Variants in GABRB2 observed in about 807,000 individuals in gnomAD.
GABRB2 encodes the protein gamma-aminobutyric acid receptor subunit beta-2.
GABRB2 carries 16 observed loss-of-function variants against 54.7 expected under a neutral mutation model. The ratio of observed to expected loss-of-function variants is 0.29; its 90% confidence interval spans 0.20 to 0.44. The LOEUF (loss-of-function observed/expected upper bound fraction) is 0.44, where lower values mean the gene tolerates loss of function less well. Ranked by LOEUF, GABRB2 falls within the 20% of genes least tolerant of loss-of-function variation. The pLI is 1.00. For synonymous variants in GABRB2, 244 were observed against 233.8 expected, an observed-to-expected ratio of 1.04 and a Z score of -0.40; for missense variants, 355 against 644.0, an observed-to-expected ratio of 0.55 and a Z score of 4.86.
At chr5:161,441,858 A>C (rs866100874) in intron 4 of GABRB2, among the ~76,000 whole-genome samples, 1 of 152,204 alleles carries the variant, frequency 6.6e-6, no homozygotes, top group Non-Finnish European at 1.5e-5. Context: ...AGAGAAAGAC[A>C]TACATCTCAT....
intron 9 of GABRB2, among the ~76,000 whole-genome samples, chr5:161,316,546 C>A (rs1758034363): frequency 6.6e-6 from 1 of 152,108 alleles, no homozygotes; most frequent in Non-Finnish European, 1.5e-5. Flanking sequence ...CTTCTTTCCC[C>A]TTTTTCTCTT....
At chr5:161,410,687 G>A (rs527326038) in intron 5 of GABRB2, among the ~76,000 whole-genome samples, 1 of 152,254 alleles carries the variant, frequency 6.6e-6, no homozygotes, top group East Asian at 1.9e-4. Flanking sequence ...TATTTTAAAT[G>A]CCTGAAATAG....
intron 9 of GABRB2, among the ~76,000 whole-genome samples, chr5:161,294,868 A>T (rs1387803149): frequency 6.6e-6 from 1 of 152,222 alleles, no homozygotes; most frequent in Non-Finnish European, 1.5e-5. Flanking sequence ...TAGATGAATT[A>T]ATAACAAAAC....
chr5:161,303,433 TC>T (rs1757594648), intron 9 of GABRB2, among the ~76,000 whole-genome samples: 1 of 152,178 alleles, frequency 6.6e-6, no homozygotes, highest in Non-Finnish European at 1.5e-5. Flanking sequence ...ATTAATGAAT[TC>T]ATTCTTTATG....
intron 3 of GABRB2, among the ~76,000 whole-genome samples, chr5:161,500,693 G>A (rs17462847): frequency 0.28 from 42,001 of 151,936 alleles, 6,303 homozygotes; most frequent in Admixed American, 0.4. Context: ...CCATTTCATT[G>A]CAGGGAGATT....
intron 4 of GABRB2, among the ~76,000 whole-genome samples, chr5:161,415,050 A>T (rs953023679): frequency 1.3e-5 from 2 of 152,228 alleles, no homozygotes; most frequent in Non-Finnish European, 2.9e-5. Context: ...TTTCATGAAC[A>T]TGTCTTTCTG....
At chr5:161,457,607 A>C (rs2113257342) in intron 4 of GABRB2, among the ~76,000 whole-genome samples, 1 of 151,900 alleles carries the variant, frequency 6.6e-6, no homozygotes, top group Middle Eastern at 3.4e-3. Context: ...CACTACGCCC[A>C]GCAAATTTTT....
intron 6 of GABRB2, among the ~76,000 whole-genome samples, chr5:161,335,562 A>T (rs1474994452): frequency 6.6e-6 from 1 of 152,188 alleles, no homozygotes; most frequent in Non-Finnish European, 1.5e-5. Context: ...TTACCCTTTA[A>T]TAAAACAAGA....
intron 8 of GABRB2, among the ~76,000 whole-genome samples, chr5:161,328,325 C>T (rs1285100631): frequency 1.3e-5 from 2 of 152,070 alleles, no homozygotes; most frequent in Non-Finnish European, 2.9e-5. Context: ...GTAATAATGC[C>T]TACCACTTAT....
chr5:161,483,533 A>G (rs1206611013), intron 3 of GABRB2, among the ~76,000 whole-genome samples: 2 of 150,888 alleles, frequency 1.3e-5, no homozygotes, highest in African/African-American at 2.4e-5. Flanking sequence ...AAACAGTGTT[A>G]TAAAAAAGAG....
chr5:161,519,341 C>T (rs1760044946), intron 3 of GABRB2, among the ~76,000 whole-genome samples: 1 of 152,128 alleles, frequency 6.6e-6, no homozygotes, highest in Non-Finnish European at 1.5e-5. Context: ...TTATGTTGGG[C>T]CTACATTAAG....
At chr5:161,386,125 C>T (rs750887207) in intron 5 of GABRB2, among the ~76,000 whole-genome samples, 36 of 152,084 alleles carry the variant, frequency 2.4e-4, no homozygotes, top group Non-Finnish European at 3.2e-4. Context: ...ACCCAGTCAT[C>T]ATTTTCACCC....
At chr5:161,463,511 A>AT (rs1223193941) in intron 3 of GABRB2, among the ~76,000 whole-genome samples, 7 of 133,750 alleles carry the variant, frequency 5.2e-5, no homozygotes, top group Admixed American at 4.0e-4. Flanking sequence ...CCCTATCAGG[A>AT]TTTTTTTTGT....
intron 9 of GABRB2, among the ~76,000 whole-genome samples, chr5:161,324,198 T>TTTTTATATAAAATATATATATATA (rs1366095117): frequency 6.6e-6 from 1 of 152,172 alleles, no homozygotes; most frequent in Non-Finnish European, 1.5e-5. Context: ...TAGAATATGA[T>TTTTTATATAAAATATATATATATA]TTTTATATAA....
At chr5:161,469,786 G>A (rs192982172) in intron 3 of GABRB2, among the ~76,000 whole-genome samples, 21 of 151,942 alleles carry the variant, frequency 1.4e-4, no homozygotes, top group Admixed American at 1.3e-3. Context: ...GGAAGTTCAA[G>A]TCAAAGGATT....
In GABRB2 at chr5:161,503,862, G is replaced by A. The variant is rs549085186; in HGVS notation, c.237+41365C>T. Among the ~76,000 whole-genome samples the A allele has an allele frequency of 4.6e-5, 7 of 151,920 alleles. No homozygotes were observed. The East Asian group carries it at 1.4e-3, about 29-fold the overall frequency. The stretch of plus-strand genomic sequence containing the variant: ...ATGATACACACAGGTATGAAAGAAT[G>A]AAAAAAATATCCTAATACTAAAAAT... On this transcript the variant is annotated intron_variant, in intron 3 of 9. Coordinates refer to ENST00000393959, the MANE Select transcript of GABRB2 (RefSeq NM_001371727.1).
At chr5:161,374,203 C>G (rs1051322337) in intron 5 of GABRB2, among the ~76,000 whole-genome samples, 10 of 152,114 alleles carry the variant, frequency 6.6e-5, no homozygotes, top group Non-Finnish European at 1.5e-4. Context: ...CTCGGCCTCC[C>G]AAAGTGCTGG....
At chr5:161,447,103 C>A (rs539399715) in intron 4 of GABRB2, among the ~76,000 whole-genome samples, 1 of 152,248 alleles carries the variant, frequency 6.6e-6, no homozygotes, top group Non-Finnish European at 1.5e-5. Context: ...TTAGTAAATT[C>A]TTTACAAGCA....
intron 8 of GABRB2, among the ~76,000 whole-genome samples, chr5:161,327,542 A>AATTATTAGGACG (rs1758406449): frequency 6.6e-6 from 1 of 151,844 alleles, no homozygotes; most frequent in African/African-American, 2.4e-5. Flanking sequence ...ATGACAGGAC[A>AATTATTAGGACG]GGAATTATTT....
Sources: allele counts gnomAD v4.1 joint callset (sites outside exome capture counted in the v4.1 genomes callset), GRCh38; gene constraint gnomAD v4.1.1; transcripts MANE v1.5; gene names NCBI Gene and HGNC (gene_info 2026-07-23, HGNC 2026-07-21).